The following FSTL4 variants were observed in gnomAD, a reference collection of about 807,000 sequenced individuals.
FSTL4 encodes follistatin-related protein 4.
FSTL4 carries 28 observed loss-of-function variants against 78.2 expected under a neutral mutation model. That is an observed-to-expected ratio of 0.36 (90% CI 0.27 to 0.49). The LOEUF (loss-of-function observed/expected upper bound fraction) is 0.49. FSTL4 is among the 20% of genes least tolerant of loss of function. The pLI, the probability that FSTL4 is intolerant of heterozygous loss-of-function variation, is 0.98. For synonymous variants in FSTL4, 422 were observed against 440.5 expected (o/e 0.96, Z 0.53); for missense variants, 922 against 1,084.9 (o/e 0.85, Z 2.11).
At chr5:133,311,338 C>T (rs369141258) in intron 6 of FSTL4, among the ~76,000 whole-genome samples, 9 of 151,964 alleles carry the variant, frequency 5.9e-5, no homozygotes, top group East Asian at 1.9e-4. Flanking sequence ...GACTAGTGGG[C>T]GGGGAGGAGG....
the FSTL4 span, among the ~76,000 whole-genome samples, chr5:133,631,380 C>T: frequency 1.3e-3 from 200 of 151,796 alleles, 1 homozygote; most frequent in Non-Finnish European, 2.5e-3. Flanking sequence ...TTTATGCGGC[C>T]AACAAACTAT....
At chr5:133,340,570 A>C (rs1160977843) in intron 4 of FSTL4, among the ~76,000 whole-genome samples, 1 of 152,214 alleles carries the variant, frequency 6.6e-6, no homozygotes, top group Non-Finnish European at 1.5e-5. Context: ...TAAATACCTT[A>C]GTCCCACGTC....
intron 4 of FSTL4, among the ~76,000 whole-genome samples, chr5:133,320,470 C>T (rs1455798582): frequency 6.6e-6 from 1 of 152,130 alleles, no homozygotes; most frequent in Non-Finnish European, 1.5e-5. Flanking sequence ...AGAAGAAATA[C>T]ATGCCCATCA....
At chr5:133,429,597 G>T (rs567409591) in intron 3 of FSTL4, among the ~76,000 whole-genome samples, 59 of 149,978 alleles carry the variant, frequency 3.9e-4, no homozygotes, top group Non-Finnish European at 6.0e-4. Flanking sequence ...TCAAAAGTAG[G>T]CCTGTCCTCT....
At chr5:133,829,814 AAGGTCTCTGGGGTTTGCTCC>A in the FSTL4 span, among the ~76,000 whole-genome samples, 1 of 152,262 alleles carries the variant, frequency 6.6e-6, no homozygotes, top group Non-Finnish European at 1.5e-5. Flanking sequence ...CCCCAGAGAC[AAGGTCTCTGGGGTTTGCTCC>A]AGGGCGGCCG....
chr5:133,211,169 C>T (rs1245372758), intron 13 of FSTL4, among the ~76,000 whole-genome samples: 2 of 152,230 alleles, frequency 1.3e-5, no homozygotes, highest in Non-Finnish European at 2.9e-5. Flanking sequence ...TGCAGTACTG[C>T]TATCCCCTGA....
chr5:133,486,680 G>A (rs1758144468), intron 3 of FSTL4, among the ~76,000 whole-genome samples: 1 of 152,060 alleles, frequency 6.6e-6, no homozygotes, highest in South Asian at 2.1e-4. Context: ...CCTAGAAACG[G>A]CCCCCTCTTC....
At chr5:133,572,742 G>A (rs1760187958) in intron 2 of FSTL4, among the ~76,000 whole-genome samples, 1 of 151,916 alleles carries the variant, frequency 6.6e-6, no homozygotes, top group Admixed American at 6.6e-5. Context: ...AGATCAGGAG[G>A]TCAAATGAGA....
Position 133,325,058 on chromosome 5 carries a change from C to T in FSTL4, c.410-8406G>A, listed in dbSNP as rs187876497. ...TAGAAGTGTGGTGGGCACAAGGCAGCTGCCTGGGAATTGCTTCTGGAGAGG... is the reference window on the plus strand; with the variant it reads ...TAGAAGTGTGGTGGGCACAAGGCAGTTGCCTGGGAATTGCTTCTGGAGAGG... On this transcript the variant is annotated intron_variant, in intron 4 of 15. Transcript: ENST00000265342. Among the ~76,000 whole-genome samples, 11 of 152,346 alleles carry T rather than the reference C, an allele frequency of 7.2e-5. No homozygotes were observed. The East Asian group carries it at 2.1e-3, about 29-fold the overall frequency.
chr5:133,432,614 G>T (rs1242344555), intron 3 of FSTL4, among the ~76,000 whole-genome samples: 1 of 152,178 alleles, frequency 6.6e-6, no homozygotes, highest in Non-Finnish European at 1.5e-5. Context: ...TATTTATTGG[G>T]CATCTGCTAT....
At chr5:133,715,761 C>T in the FSTL4 span, among the ~76,000 whole-genome samples, 25 of 152,168 alleles carry the variant, frequency 1.6e-4, no homozygotes, top group African/African-American at 6.0e-4. Context: ...TACTTCACAT[C>T]GTGGAATGCC....
chr5:133,770,757 T>C, the FSTL4 span, among the ~76,000 whole-genome samples: 2 of 152,128 alleles, frequency 1.3e-5, no homozygotes, highest in Non-Finnish European at 2.9e-5. Flanking sequence ...GTTATTCTTG[T>C]TGTTGTTTTG....
chr5:133,327,058 G>A (rs1402170295), intron 4 of FSTL4, among the ~76,000 whole-genome samples: 1 of 152,182 alleles, frequency 6.6e-6, no homozygotes, highest in Non-Finnish European at 1.5e-5. Context: ...GGGAAGGGAC[G>A]TGGCTGGACC....
intron 4 of FSTL4, among the ~76,000 whole-genome samples, chr5:133,399,769 G>C (rs1376511782): frequency 6.6e-6 from 1 of 152,240 alleles, no homozygotes; most frequent in Non-Finnish European, 1.5e-5. Context: ...GCAACCTAAA[G>C]CACATTCCTG....
the FSTL4 span, among the ~76,000 whole-genome samples, chr5:133,694,029 A>G: frequency 6.6e-6 from 1 of 152,194 alleles, no homozygotes; most frequent in Non-Finnish European, 1.5e-5. Flanking sequence ...TCTAGGTATT[A>G]CTCAATCCAG....
chr5:133,750,591 G>A, the FSTL4 span, among the ~76,000 whole-genome samples: 2 of 152,146 alleles, frequency 1.3e-5, no homozygotes, highest in Admixed American at 1.3e-4. Context: ...TGAGGAGAGA[G>A]GAGCGCGAGG....
chr5:133,693,762 G>A, the FSTL4 span, among the ~76,000 whole-genome samples: 13 of 152,224 alleles, frequency 8.5e-5, no homozygotes, highest in Admixed American at 6.5e-5. Context: ...GCTGCATCTG[G>A]TGTAAGTCTT....
At chr5:133,687,979 A>AG in the FSTL4 span, among the ~76,000 whole-genome samples, 8 of 152,212 alleles carry the variant, frequency 5.3e-5, no homozygotes, top group African/African-American at 1.7e-4. Flanking sequence ...GGAAGGAAAA[A>AG]GGGGGAAATA....
At chr5:133,679,198 A>T in the FSTL4 span, among the ~76,000 whole-genome samples, 2 of 152,124 alleles carry the variant, frequency 1.3e-5, no homozygotes, top group African/African-American at 4.8e-5. Flanking sequence ...CCAAGGTTTT[A>T]ATCATAGGCT....
Sources: allele counts gnomAD v4.1 joint callset (sites outside exome capture counted in the v4.1 genomes callset), GRCh38; gene constraint gnomAD v4.1.1; transcripts MANE v1.5; gene names NCBI Gene and HGNC (gene_info 2026-07-23, HGNC 2026-07-21).